The following SASH1 variants were observed in gnomAD, a reference collection of about 807,000 sequenced individuals.
SASH1 encodes SAM and SH3 domain-containing protein 1.
SASH1 carries 44 observed loss-of-function variants against 125.2 expected under a neutral mutation model. The observed-to-expected ratio is 0.35, with a 90% CI of 0.28 to 0.45. The LOEUF (loss-of-function observed/expected upper bound fraction) is 0.45, where lower values mean the gene tolerates loss of function less well. Among genes scored for constraint, SASH1 ranks in the 20% least tolerant of loss-of-function variants. The probability of loss-of-function intolerance (pLI) is 1.00; values close to 1 mark genes in which losing one functional copy is unlikely to be tolerated. For missense variants in SASH1, 1,426 were observed against 1,614.5 expected (o/e 0.88, Z 2.00); for synonymous variants, 639 against 649.1 (o/e 0.98, Z 0.24).
chr6:148,264,177 G>GAAAA, the SASH1 span, among the ~76,000 whole-genome samples: 4 of 137,670 alleles, frequency 2.9e-5, no homozygotes, highest in African/African-American at 8.1e-5. Flanking sequence ...TATTTTGACC[G>GAAAA]AAAAAAAAAA....
intron 4 of SASH1, 150 bp downstream of exon 4, chr6:148,440,557 A>G (rs1343777913): frequency 1.5e-6 from 1 of 662,720 alleles, no homozygotes; most frequent in Non-Finnish European, 2.6e-6. Context: ...ATGTGTGTGT[A>G]TCTAGGTGGC....
At chr6:148,223,549 T>C in the SASH1 span, among the ~76,000 whole-genome samples, 2 of 152,226 alleles carry the variant, frequency 1.3e-5, no homozygotes, top group Admixed American at 1.3e-4. Flanking sequence ...ACTATGTTGC[T>C]TCTCTGCCTC....
intron 2 of SASH1, among the ~76,000 whole-genome samples, chr6:148,403,671 C>T (rs1245643490): frequency 1.3e-5 from 2 of 152,004 alleles, no homozygotes; most frequent in Admixed American, 6.6e-5. Context: ...AGCTGGGATT[C>T]CAGGTGCCTG....
chr6:148,197,627 C>A, the SASH1 span, among the ~76,000 whole-genome samples: 7 of 152,190 alleles, frequency 4.6e-5, no homozygotes, highest in African/African-American at 1.7e-4. Context: ...TCCTGAGGGT[C>A]ATTTTCCTAG....
At chr6:148,303,084 G>A (rs1420533448) in intron 1 of SASH1, among the ~76,000 whole-genome samples, 3 of 151,960 alleles carry the variant, frequency 2.0e-5, no homozygotes, top group East Asian at 1.9e-4. Flanking sequence ...AGATTCAAGC[G>A]ATTCTCCTGC....
chr6:148,203,370 C>T, the SASH1 span, among the ~76,000 whole-genome samples: 1 of 152,144 alleles, frequency 6.6e-6, no homozygotes, highest in Non-Finnish European at 1.5e-5. Flanking sequence ...CTTTTCCATC[C>T]TCCCGTCTTC....
At chr6:148,278,259 A>G (rs1779243174) in intron 1 of SASH1, among the ~76,000 whole-genome samples, 1 of 150,868 alleles carries the variant, frequency 6.6e-6, no homozygotes, top group South Asian at 2.1e-4. Context: ...CTGGTCTCAA[A>G]CTCCTGACCT....
At chr6:148,479,615 T>G (rs1289009944) in intron 7 of SASH1, 1 of 158,806 alleles carries the variant, frequency 6.3e-6, no homozygotes. Flanking sequence ...ATTTGATAGC[T>G]AGCCATGGTT....
intron 4 of SASH1, among the ~76,000 whole-genome samples, chr6:148,440,942 T>A (rs1776520082): frequency 6.6e-6 from 1 of 152,252 alleles, no homozygotes; most frequent in Non-Finnish European, 1.5e-5. Context: ...ACTTGGACCC[T>A]GTAATTTCTG....
chr6:148,417,051 T>C (rs1217042034), intron 2 of SASH1, among the ~76,000 whole-genome samples: 1 of 152,104 alleles, frequency 6.6e-6, no homozygotes, highest in African/African-American at 2.4e-5. Context: ...GCTAGGTCTG[T>C]GAGTAGGTGG....
chr6:148,519,494 T>C lies in SASH1; in HGVS notation c.863-53T>C, dbSNP rs1780662244. 2 of 1,318,292 alleles carry C rather than the reference T, an allele frequency of 1.5e-6. No individual in the cohort carries two copies. The highest frequency in any genetic ancestry group is 3.8e-5 in the Admixed American group (2 of 53,206). The allele number at this position is 1,318,292 out of a possible 1,614,324, so 81.7% of individuals were successfully genotyped here. A position where few individuals can be genotyped will look rare whatever the true frequency, so the allele number is the denominator to read the frequency against. On this transcript the variant is annotated intron_variant, in intron 9 of 19. Transcript: ENST00000367467. This position sits in a 1 kb window ranked among gnomAD's most constrained non-coding sequence, Gnocchi z 4.8. The stretch of plus-strand genomic sequence containing the variant: ...AAGGTGGTGAATGTAAAGAAAGATG[T>C]ATGCAAGAATGCAAAGGTGTGTTCA...
At position 148,354,611 on chromosome 6, in the gene SASH1, G is replaced by T. The variant is rs533348840; in HGVS notation, c.156+11388G>T. ...TTAAGAGTCTTAGGTTTCCAGTCAA[G>T]AATTTATAAAGCCATCATATAACAA... On this transcript the variant is annotated intron_variant, in intron 1 of 19. Coordinates refer to ENST00000367467, the MANE Select transcript of SASH1 (RefSeq NM_015278.5). Among the ~76,000 whole-genome samples the T allele has an allele frequency of 2.0e-5, 3 of 152,164 alleles. No homozygotes were observed. The East Asian group carries it at 5.8e-4, about 29-fold the overall frequency.
At chr6:148,245,408 T>C in the SASH1 span, among the ~76,000 whole-genome samples, 2 of 152,166 alleles carry the variant, frequency 1.3e-5, no homozygotes, top group Non-Finnish European at 2.9e-5. Flanking sequence ...GAACTTCCGC[T>C]TGAGGCTAGA....
the SASH1 span, among the ~76,000 whole-genome samples, chr6:148,194,791 A>T: frequency 6.6e-6 from 1 of 152,214 alleles, no homozygotes; most frequent in Non-Finnish European, 1.5e-5. Flanking sequence ...CTGTAGTCCC[A>T]GCTACTCGGG....
chr6:148,246,590 A>G, the SASH1 span, among the ~76,000 whole-genome samples: 5 of 152,360 alleles, frequency 3.3e-5, 1 homozygote, highest in South Asian at 1.0e-3. Flanking sequence ...ATATTTGCAG[A>G]TCAGATAGAC....
chr6:148,541,852 A>G (rs1372457751), intron 17 of SASH1, among the ~76,000 whole-genome samples: 3 of 152,158 alleles, frequency 2.0e-5, no homozygotes, highest in Non-Finnish European at 1.5e-5. Context: ...TTTTCTATCA[A>G]CTTGGGAAGA....
At chr6:148,526,844 T>C (rs556394205) in intron 11 of SASH1, among the ~76,000 whole-genome samples, 1 of 151,648 alleles carries the variant, frequency 6.6e-6, no homozygotes, top group South Asian at 2.1e-4. Context: ...TGGGATTACA[T>C]GAACATTGGT....
the SASH1 span, among the ~76,000 whole-genome samples, chr6:148,208,005 A>G: frequency 1.3e-5 from 2 of 152,200 alleles, no homozygotes; most frequent in African/African-American, 4.8e-5. Flanking sequence ...TTTAAGGATC[A>G]CAGCAATGGC....
At chr6:148,505,896 A>C (rs1365230073) in intron 8 of SASH1, among the ~76,000 whole-genome samples, 2 of 151,810 alleles carry the variant, frequency 1.3e-5, no homozygotes, top group Admixed American at 6.6e-5. Context: ...TTGGCTTCCC[A>C]AAGTGCTGGG....
Sources: gnomAD v4.1 joint callset for allele counts (sites outside exome capture counted in the v4.1 genomes callset) on GRCh38, gnomAD v4.1.1 for gene constraint, Gnocchi (gnomAD v3.1) non-coding constraint, MANE v1.5 for transcripts, NCBI Gene and HGNC (gene_info 2026-07-23, HGNC 2026-07-21) for gene names.